CLVS1: variants seen among roughly 807,000 people sequenced by gnomAD.
CLVS1 encodes clavesin-1.
In CLVS1, 10 loss-of-function variants were observed where a neutral mutation model predicts 33.1. The observed-to-expected ratio is 0.30, with a 90% CI of 0.19 to 0.51. The LOEUF (loss-of-function observed/expected upper bound fraction) is 0.51, where lower values mean the gene tolerates loss of function less well. Ranked by LOEUF, CLVS1 falls within the 20% of genes least tolerant of loss-of-function variation. The pLI is 0.97. For missense variants in CLVS1, 343 were observed against 433.4 expected, an observed-to-expected ratio of 0.79 and a Z score of 1.85; for synonymous variants, 163 against 166.1, an observed-to-expected ratio of 0.98 and a Z score of 0.14.
rs544334546 is a variant in CLVS1, at chr8:61,351,871, T to C, written c.456-24734T>C. Among the ~76,000 whole-genome samples the C allele has an allele frequency of 3.9e-5, 6 of 152,146 alleles. No individual in the cohort carries two copies. The South Asian group carries it at 1.2e-3, about 32-fold the overall frequency. ...AGAAATAAAGAAGAAATAAAGATAT[T>C]CTTAGATAAGAAAAAACTAAAAGAA... On this transcript the variant is annotated intron_variant, in intron 2 of 5. Coordinates refer to ENST00000325897, the MANE Select transcript of CLVS1 (RefSeq NM_173519.3).
chr8:61,214,187 C>T (rs1023055055), intron 2 of CLVS1, among the ~76,000 whole-genome samples: 1 of 152,152 alleles, frequency 6.6e-6, no homozygotes, highest in Non-Finnish European at 1.5e-5. Flanking sequence ...TTAATTTCAC[C>T]TCGGTCCTGT....
the CLVS1 span, chr8:60,966,691 G>GTAA: frequency 4.7e-6 from 1 of 213,132 alleles, no homozygotes; most frequent in Non-Finnish European, 9.7e-6. Context: ...AGCAGCTGAA[G>GTAA]TAATGAATGA....
chr8:61,046,585 G>A, the CLVS1 span, among the ~76,000 whole-genome samples: 15 of 149,674 alleles, frequency 1.0e-4, no homozygotes, highest in African/African-American at 3.8e-4. Flanking sequence ...TGGGCAGTAT[G>A]GCCATTTTCA....
chr8:61,282,297 A>G (rs762207271), intron 2 of CLVS1, among the ~76,000 whole-genome samples: 5 of 152,154 alleles, frequency 3.3e-5, no homozygotes, highest in African/African-American at 4.8e-5. Context: ...AGAGGCCATA[A>G]TTAAGGAGGG....
At position 61,113,098 on chromosome 8, in the gene CLVS1, G is replaced by A. The variant is rs146867699; in HGVS notation, c.-242-18672G>A. On this transcript the variant is annotated intron_variant, in intron 1 of 2. Transcript: ENST00000522621. ...TGGTTATCTACAGAGGCAGCCTGAG[G>A]GTCCCTATGTGAGAAGCAGAACTGC... Among the ~76,000 whole-genome samples the A allele has an allele frequency of 1.0e-3, 154 of 152,234 alleles. 1 individual carries two copies. The highest frequency in any genetic ancestry group is 3.4e-3 in the African/African-American group (143 of 41,544).
chr8:61,114,408 C>G (rs540952808), intron 1 of CLVS1, among the ~76,000 whole-genome samples: 1 of 152,268 alleles, frequency 6.6e-6, no homozygotes, highest in Admixed American at 6.5e-5. Context: ...AGCTAGTCTT[C>G]TAGACAAATG....
intron 3 of CLVS1, among the ~76,000 whole-genome samples, chr8:61,451,330 AT>A (rs1816943478): frequency 6.6e-6 from 1 of 151,682 alleles, no homozygotes; most frequent in South Asian, 2.1e-4. Flanking sequence ...GTTTTTATCT[AT>A]TTTTTACTTT....
At chr8:61,041,525 TTG>T in the CLVS1 span, among the ~76,000 whole-genome samples, 1 of 152,224 alleles carries the variant, frequency 6.6e-6, no homozygotes, top group Admixed American at 6.5e-5. Flanking sequence ...TTTGTAGTTC[TTG>T]TAGAGATCTT....
intron 2 of CLVS1, among the ~76,000 whole-genome samples, chr8:61,305,338 C>T (rs1225242317): frequency 6.6e-6 from 1 of 151,992 alleles, no homozygotes; most frequent in African/African-American, 2.4e-5. Context: ...TTCCCACTCC[C>T]CTTCCCCTCT....
intron 3 of CLVS1, among the ~76,000 whole-genome samples, chr8:61,430,435 G>A (rs1004738232): frequency 3.3e-5 from 5 of 152,106 alleles, no homozygotes; most frequent in Admixed American, 2.6e-4. Context: ...AGAAAGGAGG[G>A]GGAAATAAAA....
In CLVS1 at chr8:61,241,698, G is replaced by A. The variant is rs4738877; in HGVS notation, c.-151-57979G>A. On this transcript the variant is annotated intron_variant, in intron 2 of 2. Coordinates refer to the CLVS1 transcript ENST00000522621. ...TTGAAATTTTTGCTTTAAAATGAGC[G>A]TATATCATACGAAAGAGGAAAACCA... Among the ~76,000 whole-genome samples, 8 of 152,108 alleles carry A rather than the reference G, an allele frequency of 5.3e-5. No individual in the cohort carries two copies. The South Asian group carries it at 6.2e-4, about 12-fold the overall frequency.
At chr8:61,492,356 G>A (rs1016473648) in intron 5 of CLVS1, among the ~76,000 whole-genome samples, 1 of 152,164 alleles carries the variant, frequency 6.6e-6, no homozygotes, top group Non-Finnish European at 1.5e-5. Flanking sequence ...GGTACTAAAA[G>A]TCATTAAAAT....
chr8:61,182,795 A>G (rs2349922), intron 2 of CLVS1, among the ~76,000 whole-genome samples: 100,943 of 152,030 alleles, frequency 0.66, 35,691 homozygotes, highest in Middle Eastern at 0.86. Flanking sequence ...TCCCATTACC[A>G]GGTATATACC....
At chr8:61,086,384 A>C (rs58359754) in intron 1 of CLVS1, among the ~76,000 whole-genome samples, 6,904 of 152,218 alleles carry the variant, frequency 0.045, 533 homozygotes, top group African/African-American at 0.16. Context: ...AATACAGGAC[A>C]CCCAGTGACA....
intron 5 of CLVS1, among the ~76,000 whole-genome samples, chr8:61,461,140 A>G (rs1817351491): frequency 6.6e-6 from 1 of 152,228 alleles, no homozygotes. Flanking sequence ...TGAACAAGAC[A>G]AATTTTTTCC....
intron 3 of CLVS1, among the ~76,000 whole-genome samples, chr8:61,441,577 G>T (rs1816546336): frequency 1.3e-5 from 2 of 152,200 alleles, no homozygotes; most frequent in African/African-American, 4.8e-5. Context: ...GAACCTTGTT[G>T]TGAGGTATGT....
intron 2 of CLVS1, among the ~76,000 whole-genome samples, chr8:61,190,680 C>G (rs6471938): frequency 0.75 from 113,994 of 151,972 alleles, 43,633 homozygotes; most frequent in Middle Eastern, 0.9. Context: ...AATAAAAAAT[C>G]ATAAAGGAGA....
intron 1 of CLVS1, among the ~76,000 whole-genome samples, chr8:61,066,085 A>G (rs1377716818): frequency 1.3e-5 from 2 of 152,246 alleles, no homozygotes; most frequent in Non-Finnish European, 2.9e-5. Context: ...GTATTTACAC[A>G]GTGCAGTTGG....
At chr8:61,204,339 C>T (rs574168308) in intron 2 of CLVS1, among the ~76,000 whole-genome samples, 4 of 152,148 alleles carry the variant, frequency 2.6e-5, no homozygotes, top group Admixed American at 6.5e-5. Flanking sequence ...AAATAAAGTA[C>T]AGAGAGACTG....
Sources: allele counts gnomAD v4.1 joint callset (sites outside exome capture counted in the v4.1 genomes callset), GRCh38; gene constraint gnomAD v4.1.1; transcripts MANE v1.5; gene names NCBI Gene and HGNC (gene_info 2026-07-23, HGNC 2026-07-21).